CAPZA2: variants seen among roughly 807,000 people sequenced by gnomAD.
The protein encoded by CAPZA2 is F-actin-capping protein subunit alpha-2.
CAPZA2 carries 13 observed loss-of-function variants against 44.0 expected under a neutral mutation model. The observed-to-expected ratio is 0.30, with a 90% CI of 0.19 to 0.47. The LOEUF (loss-of-function observed/expected upper bound fraction) is 0.47. Among genes scored for constraint, CAPZA2 ranks in the 20% least tolerant of loss-of-function variants. CAPZA2 has a pLI of 1.00. For missense variants in CAPZA2, 244 were observed against 338.6 expected, an observed-to-expected ratio of 0.72 and a Z score of 2.19; for synonymous variants, 94 against 108.2, an observed-to-expected ratio of 0.87 and a Z score of 0.81.
intron 5 of CAPZA2, among the ~76,000 whole-genome samples, chr7:116,904,988 A>AAAAAAAAC (rs1791472217): frequency 6.7e-6 from 1 of 149,876 alleles, no homozygotes; most frequent in African/African-American, 2.5e-5. Context: ...AAAAAAAAAA[A>AAAAAAAAC]ACAATTAGCC....
At chr7:116,884,035 T>C (rs1411335313) in intron 1 of CAPZA2, among the ~76,000 whole-genome samples, 1 of 152,110 alleles carries the variant, frequency 6.6e-6, no homozygotes, top group Non-Finnish European at 1.5e-5. Flanking sequence ...AACAACTCCT[T>C]CTCTCAATAG....
intron 1 of CAPZA2, among the ~76,000 whole-genome samples, chr7:116,863,793 T>C (rs982862690): frequency 1.3e-5 from 2 of 151,984 alleles, no homozygotes; most frequent in Non-Finnish European, 2.9e-5. Context: ...AGGTATGTTG[T>C]GGTGTTTAAG....
Position 116,881,748 on chromosome 7 carries a change from A to G in CAPZA2, c.40-6379A>G, listed in dbSNP as rs933272557. Among the ~76,000 whole-genome samples, 9 of 151,274 alleles carry G rather than the reference A, an allele frequency of 5.9e-5. No individual in the cohort carries two copies. The South Asian group carries it at 1.9e-3, about 32-fold the overall frequency. On this transcript the variant is annotated intron_variant, in intron 1 of 9. Transcript: ENST00000361183. ...AGTGAGACTCTGTCTCAAAAAAAAA[A>G]AAAAAAAAAAAAAAATTACATCACT... is the stretch of plus-strand genomic sequence containing the variant.
At chr7:116,911,718 G>C (rs1791600275) in intron 7 of CAPZA2, among the ~76,000 whole-genome samples, 1 of 152,112 alleles carries the variant, frequency 6.6e-6, no homozygotes, top group African/African-American at 2.4e-5. Flanking sequence ...GGAATTAAAT[G>C]GTTGGTGGAA....
chr7:116,875,975 G>T (rs1184285639), intron 1 of CAPZA2: 1 of 152,106 alleles, frequency 6.6e-6, no homozygotes, highest in East Asian at 1.9e-4. Context: ...TTAGAGGCCG[G>T]GCGCGGTGGC....
chr7:116,865,227 G>A (rs541664634), intron 1 of CAPZA2, among the ~76,000 whole-genome samples: 79 of 115,660 alleles, frequency 6.8e-4, no homozygotes, highest in African/African-American at 2.5e-3. Context: ...ACTCTGTCAC[G>A]CAGGCTGGAG....
At chr7:116,875,720 T>G (rs1303319211) in intron 1 of CAPZA2, 1 of 151,384 alleles carries the variant, frequency 6.6e-6, no homozygotes, top group Non-Finnish European at 1.5e-5. Flanking sequence ...CTAATTTTTT[T>G]TTTTTTAAAT....
intron 1 of CAPZA2, chr7:116,875,546 T>TA (rs893172112): frequency 2.0e-5 from 3 of 151,928 alleles, no homozygotes; most frequent in Admixed American, 2.0e-4. Context: ...AGGGTTTTTT[T>TA]TTTTTATTTT....
intron 1 of CAPZA2, among the ~76,000 whole-genome samples, chr7:116,880,972 G>A (rs1383320101): frequency 1.3e-5 from 2 of 151,844 alleles, no homozygotes; most frequent in Non-Finnish European, 2.9e-5. Context: ...GCCTCCCAAA[G>A]TGCTGGGATT....
chr7:116,895,992 A>G (rs1359871781), intron 3 of CAPZA2, among the ~76,000 whole-genome samples: 1 of 152,170 alleles, frequency 6.6e-6, no homozygotes, highest in Non-Finnish European at 1.5e-5. Context: ...AAGGCATTAT[A>G]AAAACATTTA....
At chr7:116,900,596 T>C (rs1375170667) in intron 4 of CAPZA2, among the ~76,000 whole-genome samples, 1 of 151,860 alleles carries the variant, frequency 6.6e-6, no homozygotes, top group Non-Finnish European at 1.5e-5. Context: ...GGAATAAGCT[T>C]CATCAAAAAA....
chr7:116,872,277 A>G (rs905586511), intron 1 of CAPZA2, among the ~76,000 whole-genome samples: 2 of 152,230 alleles, frequency 1.3e-5, no homozygotes, highest in Admixed American at 6.5e-5. Context: ...GGAAAAGGAA[A>G]TTGAAAACGT....
intron 1 of CAPZA2, among the ~76,000 whole-genome samples, chr7:116,879,224 ATAT>A (rs1414441797): frequency 6.6e-6 from 1 of 152,012 alleles, no homozygotes; most frequent in Admixed American, 6.6e-5. Flanking sequence ...ATAATAGCTA[ATAT>A]TATTTATTCA....
chr7:116,900,145 G>A (rs1054111085), intron 4 of CAPZA2, among the ~76,000 whole-genome samples: 6 of 151,520 alleles, frequency 4.0e-5, no homozygotes, highest in African/African-American at 1.5e-4. Context: ...ATAGAGAATC[G>A]AAGAAAACCT....
rs371485695 is a variant in CAPZA2, at chr7:116,904,969, T to TAA, written c.426+605_426+606dup. ...AGCATGGTGAAACCCTGTCTCTACT[T>TAA]AAAAAAAAAAAAAAAAAAAACAATT... On this transcript the variant is annotated intron_variant, in intron 5 of 9. Transcript: ENST00000361183. 4.1e-4 allele frequency among the ~76,000 whole-genome samples: 39 copies of TAA among 95,590 alleles called. 2 individuals carry two copies. The East Asian group carries it at 4.7e-3, about 11-fold the overall frequency. 62.7% of individuals were successfully genotyped at this position (95,590 alleles called of 152,430 possible). A position where few individuals can be genotyped will look rare whatever the true frequency, so the allele number is the denominator to read the frequency against.
At chr7:116,879,601 G>A (rs143005850) in intron 1 of CAPZA2, among the ~76,000 whole-genome samples, 2 of 152,238 alleles carry the variant, frequency 1.3e-5, no homozygotes, top group East Asian at 3.9e-4. Context: ...ACAATAGGGT[G>A]TGCATTCCTA....
At chr7:116,879,475 G>A (rs897518842) in intron 1 of CAPZA2, among the ~76,000 whole-genome samples, 2 of 152,186 alleles carry the variant, frequency 1.3e-5, no homozygotes, top group African/African-American at 2.4e-5. Flanking sequence ...AGGGGATAGC[G>A]GGGTGGGGAT....
intron 1 of CAPZA2, among the ~76,000 whole-genome samples, chr7:116,886,929 T>C (rs557862529): frequency 7.1e-4 from 108 of 152,368 alleles, no homozygotes; most frequent in African/African-American, 2.5e-3. Context: ...TTAATCTCTT[T>C]ATCAAAATAG....
At chr7:116,889,227 T>G (rs754083781) in intron 2 of CAPZA2, among the ~76,000 whole-genome samples, 2 of 152,204 alleles carry the variant, frequency 1.3e-5, no homozygotes, top group Non-Finnish European at 2.9e-5. Context: ...TTATAAAACT[T>G]CTTAAGTAGT....
Sources: gnomAD v4.1 joint callset for allele counts (sites outside exome capture counted in the v4.1 genomes callset) on GRCh38, gnomAD v4.1.1 for gene constraint, MANE v1.5 for transcripts, NCBI Gene and HGNC (gene_info 2026-07-23, HGNC 2026-07-21) for gene names.